The following RPL36 variants were observed in gnomAD, a reference collection of about 807,000 sequenced individuals.
RPL36 encodes ribosomal protein L36.
For missense variants in RPL36, 131 were observed against 144.9 expected, an observed-to-expected ratio of 0.90 and a Z score of 0.49; for synonymous variants, 74 against 56.0, an observed-to-expected ratio of 1.32 and a Z score of -1.44.
Position 5,691,411 on chromosome 19 carries a change from G to A in RPL36, c.186G>A (p.Lys62=), listed in dbSNP as rs765374302. The change falls in exon 3 of 4, where the codon AAG becomes AAA. Residue 62 remains lysine (K), a synonymous_variant. Transcript: ENST00000347512. ...PYERRAMELL[K]VSKDKRALKF... is the part of the protein sequence containing the mutation. ...AGCGGCGCGCCATGGAGTTACTGAA[G>A]GTCTCCAAGGACAAACGGGCCCTCA... 1.9e-6 allele frequency: 3 copies of A among 1,614,058 alleles called. No homozygotes were observed. Among genetic ancestry groups the A allele is most frequent in the Non-Finnish European group, 2.5e-6 (3 of 1,180,038 alleles).
Position 5,690,356 on chromosome 19 carries a change from C to T in RPL36, c.-3+29C>T, listed in dbSNP as rs112374868. The T allele has an allele frequency of 1.1e-3, 741 of 692,780 alleles. 2 individuals carry two copies. The highest frequency in any genetic ancestry group is 6.8e-3 in the Middle Eastern group (18 of 2,638). The allele number at this position is 692,780 out of a possible 1,614,324, so 42.9% of individuals were successfully genotyped here. A position where few individuals can be genotyped will look rare whatever the true frequency, so the allele number is the denominator to read the frequency against. ...AGTGGTTTCCCGCACTGCCGGTATC[C>T]GCCGCCATCCGGACTCCCGGGTCCT... On this transcript the variant is annotated intron_variant, in intron 1 of 3. Transcript: ENST00000347512.
intron 2 of RPL36, 193 bp downstream of exon 2, chr19:5,690,793 C>A: frequency 1.6e-6 from 1 of 625,748 alleles, no homozygotes; most frequent in East Asian, 2.8e-5. Flanking sequence ...CTGGGTTTTT[C>A]CCAACCGTGC....
rs1424193865 is a variant in RPL36 at position 5,691,390 on chromosome 19, G to A, written c.165G>A (p.Arg55=). ...TGTGTGGCTTTGCCCCGTACGAGCG[G>A]CGCGCCATGGAGTTACTGAAGGTCT... The part of the protein sequence containing the change: ...REVCGFAPYE[R]RAMELLKVSK... The change falls in exon 3 of 4, where the codon CGG becomes CGA. Residue 55 remains arginine (R), a synonymous_variant. Transcript: ENST00000347512. The A allele has an allele frequency of 3.1e-6, 5 of 1,613,966 alleles. No homozygotes were observed. The highest frequency in any genetic ancestry group is 3.4e-4 in the Middle Eastern group (2 of 5,870).
chr19:5,691,546 C>G lies in RPL36; in HGVS notation c.243C>G (p.Ile81Met), dbSNP rs2054820549. The G allele has an allele frequency of 6.2e-7, 1 of 1,611,970 alleles. No individual in the cohort carries two copies. Among genetic ancestry groups the G allele is most frequent in the Non-Finnish European group, 8.5e-7 (1 of 1,179,906 alleles). ...GTCCCTGGCAGGTGGGGACGCACATCCGCGCCAAGAGGAAGCGGGAGGAGC... is the reference window on the plus strand; with the variant it reads ...GTCCCTGGCAGGTGGGGACGCACATGCGCGCCAAGAGGAAGCGGGAGGAGC... ...KFIKKRVGTH[I>M]RAKRKREELS... Residue 81 changes from isoleucine to methionine, a missense_variant, in exon 4 of 4, where the codon ATC becomes ATG. Physicochemically the swap from Ile to Met is conservative, Grantham distance 10 (BLOSUM62 1). Transcript: ENST00000347512.
intron 1 of RPL36, 68 bp from the exon 2 acceptor site, chr19:5,690,438 C>CGG (rs775102550): frequency 1.5e-5 from 19 of 1,230,718 alleles, no homozygotes; most frequent in African/African-American, 3.0e-5. Flanking sequence ...AGCCGGGACG[C>CGG]GGGGCTCTGG....
Position 5,691,668 on chromosome 19 carries a change from G to A in RPL36, c.*47G>A, listed in dbSNP as rs773110514. 48 of 1,544,938 alleles carry A rather than the reference G, an allele frequency of 3.1e-5. No individual in the cohort carries two copies. The highest frequency in any genetic ancestry group is 3.9e-5 in the Non-Finnish European group (44 of 1,138,794). ...TGAAATAAAGAACAGCTTGACAGAA[G>A]CCCTGGCTCTCCTGCTGTCCGTGGG... On this transcript the variant is annotated 3_prime_UTR_variant, in exon 4 of 4. Coordinates refer to ENST00000347512, the MANE Select transcript of RPL36 (RefSeq NM_033643.3).
rs1376300130 is a variant in RPL36, at chr19:5,691,608, C to T, written c.305C>T (p.Ala102Val). The T allele has an allele frequency of 1.2e-6, 2 of 1,609,728 alleles. No homozygotes were observed. The highest frequency in any genetic ancestry group is 1.7e-6 in the Non-Finnish European group (2 of 1,179,178). The change falls in exon 4 of 4, where the codon GCC becomes GTC. Residue 102 changes from alanine to valine, a missense_variant. Ala to Val is a moderately conservative substitution (Grantham distance 64). Coordinates refer to ENST00000347512, the MANE Select transcript of RPL36 (RefSeq NM_033643.3). ...CTGGCCGCCATGAGGAAAGCTGCTG[C>T]CAAGAAAGACTGAGCCCCTCCCCTG... Reference protein sequence around the residue: ...NVLAAMRKAAAKKD With the variant: ...NVLAAMRKAAVKKD
intron 2 of RPL36, chr19:5,691,043 G>A (rs1244354383): frequency 1.8e-5 from 10 of 569,996 alleles, no homozygotes; most frequent in Non-Finnish European, 2.5e-5. Flanking sequence ...GGTGTGTGAG[G>A]TTGAGGGATT....
At chr19:5,690,680 TGAAA>T (rs1451520941) in intron 2 of RPL36, 80 bp downstream of exon 2, 2 of 1,173,376 alleles carry the variant, frequency 1.7e-6, no homozygotes, top group Non-Finnish European at 2.5e-6. Flanking sequence ...GCTCTCGACC[TGAAA>T]GAACGCGCGT....
rs1315612041 is a variant in RPL36 at position 5,690,593 on chromosome 19, G to T, written c.86G>T (p.Arg29Leu). The part of the protein sequence containing the change: ...KNVSKPRHSR[R>L]RGRLTKHTKF... ...GTGAGCAAGCCCAGGCACAGCCGAC[G>T]CCGCGGGGTGAGTGCGGGTGCCGCG... The change falls in exon 2 of 4, where the codon CGC (arginine) becomes CTC (leucine). Residue 29 changes from arginine (R) to leucine (L), a missense_variant. Physicochemically the swap from Arg to Leu is moderately radical, Grantham distance 102. Coordinates refer to ENST00000347512, the MANE Select transcript of RPL36 (RefSeq NM_033643.3). The T allele has an allele frequency of 1.3e-6, 2 of 1,565,028 alleles. No homozygotes were observed. The highest frequency in any genetic ancestry group is 4.7e-5 in the East Asian group (2 of 42,412).
Position 5,691,465 on chromosome 19 carries a change from C to T in RPL36, c.228+12C>T. The T allele has an allele frequency of 6.2e-7, 1 of 1,609,206 alleles. No homozygotes were observed. Among genetic ancestry groups the T allele is most frequent in the Non-Finnish European group, 8.5e-7 (1 of 1,176,042 alleles). ...TTATCAAGAAAAGGGTAGGTGGGCG[C>T]TGCCGGCCGAGGGGCGGGGTGGGAT... On this transcript the variant is annotated intron_variant, in intron 3 of 3. Transcript: ENST00000347512.
At chr19:5,690,798 C>T (rs981218170) in intron 2 of RPL36, 198 bp downstream of exon 2, 3 of 619,322 alleles carry the variant, frequency 4.8e-6, no homozygotes, top group African/African-American at 3.7e-5. Flanking sequence ...TTTTTCCCAA[C>T]CGTGCAATCC....
Position 5,691,583 on chromosome 19 carries a change from C to T in RPL36, c.280C>T (p.Leu94=), listed in dbSNP as rs1175172542. 7 of 1,611,236 alleles carry T rather than the reference C, an allele frequency of 4.3e-6. No individual in the cohort carries two copies. Among genetic ancestry groups the T allele is most frequent in the Non-Finnish European group, 5.9e-6 (7 of 1,179,800 alleles). The change falls in exon 4 of 4, where the codon CTG becomes TTG. Residue 94 remains leucine, a synonymous_variant. Transcript: ENST00000347512. ...GAAGCGGGAGGAGCTGAGCAACGTACTGGCCGCCATGAGGAAAGCTGCTGC... is the reference window on the plus strand; with the variant it reads ...GAAGCGGGAGGAGCTGAGCAACGTATTGGCCGCCATGAGGAAAGCTGCTGC... ...KRKREELSNV[L]AAMRKAAAKK...
chr19:5,691,719 C>A lies in RPL36; in HGVS notation c.*98C>A. The stretch of plus-strand genomic sequence containing the variant: ...TGGGTGTGGGTGTGTCGGGGGCCCG[C>A]AGTCCCCTGTCTGGTGCCCGCTCTG... On this transcript the variant is annotated 3_prime_UTR_variant, in exon 4 of 4. Transcript: ENST00000347512. The A allele has an allele frequency of 1.6e-6, 2 of 1,271,892 alleles. No individual in the cohort carries two copies. Among genetic ancestry groups the A allele is most frequent in the Non-Finnish European group, 1.1e-6 (1 of 898,424 alleles). 78.8% of individuals were successfully genotyped at this position (1,271,892 alleles called of 1,614,324 possible). A position where few individuals can be genotyped will look rare whatever the true frequency, so the allele number is the denominator to read the frequency against.
intron 2 of RPL36, chr19:5,691,117 G>C: frequency 1.5e-6 from 1 of 688,134 alleles, no homozygotes; most frequent in Non-Finnish European, 2.5e-6. Context: ...GGTGCGTCCT[G>C]CCAGTGTTGC....
At chr19:5,690,377 G>C (rs1011750761) in intron 1 of RPL36, 50 bp downstream of exon 1, 1 of 739,446 alleles carries the variant, frequency 1.4e-6, no homozygotes, top group Non-Finnish European at 2.4e-6. Context: ...GGACTCCCGG[G>C]TCCTCTGTGC....
rs2054823334 is a variant in RPL36 at position 5,691,685 on chromosome 19, G to A, written c.*64G>A. Reference sequence around the variant, plus strand: ...TGACAGAAGCCCTGGCTCTCCTGCTGTCCGTGGGTGGGTGTGGGTGTGTCG... The same window carrying A: ...TGACAGAAGCCCTGGCTCTCCTGCTATCCGTGGGTGGGTGTGGGTGTGTCG... On this transcript the variant is annotated 3_prime_UTR_variant, in exon 4 of 4. Transcript: ENST00000347512. 3 of 1,501,908 alleles carry A rather than the reference G, an allele frequency of 2.0e-6. No individual in the cohort carries two copies. The highest frequency in any genetic ancestry group is 2.7e-6 in the Non-Finnish European group (3 of 1,103,664). 93.0% of individuals were successfully genotyped at this position (1,501,908 alleles called of 1,614,324 possible). A position where few individuals can be genotyped will look rare whatever the true frequency, so the allele number is the denominator to read the frequency against.
intron 2 of RPL36, 183 bp from the exon 3 acceptor site, chr19:5,691,136 G>T (rs1310830933): frequency 3.8e-6 from 3 of 789,680 alleles, no homozygotes; most frequent in Non-Finnish European, 6.2e-6. Flanking sequence ...GCGGAGACTG[G>T]GACTTAGGGA....
chr19:5,690,698 G>A, intron 2 of RPL36, 98 bp downstream of exon 2: 1 of 979,482 alleles, frequency 1.0e-6, no homozygotes, highest in Non-Finnish European at 1.6e-6. Context: ...CGCGCGTTCG[G>A]GCGCAGAACT....
Sources: allele counts gnomAD v4.1 joint callset, GRCh38; gene constraint gnomAD v4.1.1; transcripts MANE v1.5; gene names NCBI Gene and HGNC (gene_info 2026-07-23, HGNC 2026-07-21).